Variants in CNTNAP2 observed in about 807,000 individuals in gnomAD.
CNTNAP2 encodes contactin-associated protein-like 2.
A neutral mutation model predicts 155.2 loss-of-function variants in CNTNAP2; 98 were observed. The ratio of observed to expected loss-of-function variants is 0.63; its 90% CI spans 0.54 to 0.75. The LOEUF (loss-of-function observed/expected upper bound fraction) is 0.75, where lower values mean the gene tolerates loss of function less well. CNTNAP2 is among the 30% of genes least tolerant of loss of function. The pLI is 0.00. For missense variants in CNTNAP2, 1,727 were observed against 1,688.1 expected, an observed-to-expected ratio of 1.02 and a Z score of -0.40; for synonymous variants, 651 against 631.2, an observed-to-expected ratio of 1.03 and a Z score of -0.47.
At chr7:146,422,359 G>GTGTATATATATA (rs1554431181) in intron 1 of CNTNAP2, among the ~76,000 whole-genome samples, 4 of 148,116 alleles carry the variant, frequency 2.7e-5, no homozygotes, top group African/African-American at 1.0e-4. Flanking sequence ...GTATATATAT[G>GTGTATATATATA]TATATATATA....
chr7:147,148,112 C>T (rs1052277715), intron 8 of CNTNAP2, among the ~76,000 whole-genome samples: 3 of 151,792 alleles, frequency 2.0e-5, no homozygotes, highest in East Asian at 1.9e-4. Flanking sequence ...TGGTGGGGGC[C>T]GGGCGCGGTG....
chr7:147,691,444 T>C (rs1012717672), intron 13 of CNTNAP2, among the ~76,000 whole-genome samples: 11 of 152,134 alleles, frequency 7.2e-5, no homozygotes, highest in African/African-American at 2.7e-4. Flanking sequence ...CACAGAGAGA[T>C]AATACATGTT....
At chr7:146,540,298 G>T (rs945413026) in intron 1 of CNTNAP2, among the ~76,000 whole-genome samples, 6 of 152,028 alleles carry the variant, frequency 3.9e-5, no homozygotes, top group Non-Finnish European at 7.4e-5. Context: ...TACCTATCTT[G>T]TGAAGTTTTG....
chr7:146,579,599 G>C (rs1798579354), intron 1 of CNTNAP2, among the ~76,000 whole-genome samples: 2 of 152,058 alleles, frequency 1.3e-5, no homozygotes, highest in Non-Finnish European at 2.9e-5. Flanking sequence ...GTTTGCTGCT[G>C]ACTGCCCGCT....
In CNTNAP2 at chr7:147,090,322, C is replaced by CGTGT. The variant is rs146882206; in HGVS notation, c.551-17798_551-17795dup. On this transcript the variant is annotated intron_variant, in intron 4 of 23. Coordinates refer to ENST00000361727, the MANE Select transcript of CNTNAP2 (RefSeq NM_014141.6). The stretch of plus-strand genomic sequence containing the variant: ...AGAAGACTGATATAGAACATATAAG[C>CGTGT]GTGTGTGTGTGTGTGTGTGTGTGTG... Among the ~76,000 whole-genome samples, 971 of 141,882 alleles carry CGTGT rather than the reference C, an allele frequency of 6.8e-3. 12 individuals carry two copies. Among genetic ancestry groups the CGTGT allele is most frequent in the African/African-American group, 0.021 (850 of 39,656 alleles). 93.1% of individuals were successfully genotyped at this position (141,882 alleles called of 152,430 possible).
chr7:147,542,034 T>C (rs146789038), intron 11 of CNTNAP2, among the ~76,000 whole-genome samples: 4 of 152,182 alleles, frequency 2.6e-5, no homozygotes, highest in Non-Finnish European at 5.9e-5. Context: ...TTTGAAATTC[T>C]AAGGGTGAGA....
chr7:147,955,122 C>T (rs1466962928), intron 14 of CNTNAP2, among the ~76,000 whole-genome samples: 1 of 152,182 alleles, frequency 6.6e-6, no homozygotes, highest in Non-Finnish European at 1.5e-5. Flanking sequence ...ATATTTATTG[C>T]ACATCCAAGT....
intron 8 of CNTNAP2, among the ~76,000 whole-genome samples, chr7:147,221,635 A>G (rs546865860): frequency 4.7e-4 from 72 of 152,332 alleles, no homozygotes; most frequent in Middle Eastern, 6.8e-3. Context: ...ACAGAAAAGA[A>G]GTTAAGAAAA....
chr7:147,274,168 A>G (rs1804838253), intron 8 of CNTNAP2, among the ~76,000 whole-genome samples: 1 of 152,050 alleles, frequency 6.6e-6, no homozygotes, highest in Admixed American at 6.6e-5. Flanking sequence ...AGTGTTGGGT[A>G]GATACACAGT....
chr7:146,614,645 T>G (rs1799194652), intron 1 of CNTNAP2, among the ~76,000 whole-genome samples: 1 of 152,232 alleles, frequency 6.6e-6, no homozygotes, highest in African/African-American at 2.4e-5. Context: ...TCAAATGTTG[T>G]GCTTGCAATC....
At chr7:148,135,459 T>C (rs1226036958) in intron 16 of CNTNAP2, among the ~76,000 whole-genome samples, 1 of 152,212 alleles carries the variant, frequency 6.6e-6, no homozygotes, top group Non-Finnish European at 1.5e-5. Context: ...TAACATATGA[T>C]AGCATACTAT....
chr7:146,422,359 G>GTGTATATATATATATATATATA (rs1554431181), intron 1 of CNTNAP2, among the ~76,000 whole-genome samples: 5 of 148,116 alleles, frequency 3.4e-5, no homozygotes, highest in African/African-American at 1.2e-4. Context: ...GTATATATAT[G>GTGTATATATATATATATATATA]TATATATATA....
At chr7:147,414,889 C>T (rs1797164022) in intron 10 of CNTNAP2, among the ~76,000 whole-genome samples, 1 of 138,042 alleles carries the variant, frequency 7.2e-6, no homozygotes, top group Admixed American at 8.2e-5. Flanking sequence ...CTGCAGTGAG[C>T]CGAGATCGCG....
intron 4 of CNTNAP2, among the ~76,000 whole-genome samples, chr7:147,084,291 TGC>T (rs1800218096): frequency 3.0e-5 from 1 of 33,886 alleles, no homozygotes; most frequent in Non-Finnish European, 4.9e-5. Flanking sequence ...ATATGCATAA[TGC>T]TATATATGTA....
intron 8 of CNTNAP2, among the ~76,000 whole-genome samples, chr7:147,253,403 T>TAAAAAAA: frequency 6.7e-6 from 1 of 150,370 alleles, no homozygotes; most frequent in South Asian, 2.1e-4. Flanking sequence ...TTTTTTTTTT[T>TAAAAAAA]AGAAAAAGAT....
chr7:147,604,117 A>C (rs1801010934), intron 12 of CNTNAP2, among the ~76,000 whole-genome samples: 1 of 152,138 alleles, frequency 6.6e-6, no homozygotes, highest in Non-Finnish European at 1.5e-5. Context: ...AACCATAAAA[A>C]CCCTAGAAGA....
intron 1 of CNTNAP2, among the ~76,000 whole-genome samples, chr7:146,223,219 A>G (rs1799237267): frequency 6.6e-6 from 1 of 152,214 alleles, no homozygotes; most frequent in Non-Finnish European, 1.5e-5. Context: ...AGTTGAAACT[A>G]GCCAGTCTGT....
chr7:147,600,452 C>T (rs944981748), intron 12 of CNTNAP2, among the ~76,000 whole-genome samples: 35 of 152,058 alleles, frequency 2.3e-4, no homozygotes, highest in African/African-American at 2.7e-4. Context: ...ATCAGCATGC[C>T]CAAGTTCCAA....
At chr7:147,421,574 GTCTA>G (rs948990556) in intron 10 of CNTNAP2, among the ~76,000 whole-genome samples, 46 of 82,702 alleles carry the variant, frequency 5.6e-4, no homozygotes, top group Admixed American at 4.9e-3. Flanking sequence ...GTCCTGGTAT[GTCTA>G]TCTAATCTGT....
Sources: gnomAD v4.1 joint callset for allele counts (sites outside exome capture counted in the v4.1 genomes callset) on GRCh38, gnomAD v4.1.1 for gene constraint, MANE v1.5 for transcripts, NCBI Gene and HGNC (gene_info 2026-07-23, HGNC 2026-07-21) for gene names.